PLCE1: variants seen among roughly 807,000 people sequenced by gnomAD.
PLCE1 encodes the protein phospholipase C epsilon 1.
PLCE1 carries 119 observed loss-of-function variants against 242.8 expected under a neutral mutation model. The ratio of observed to expected loss-of-function variants is 0.49; its 90% CI spans 0.42 to 0.57. The LOEUF is 0.57. Among genes scored for constraint, PLCE1 ranks in the 20% least tolerant of loss-of-function variants. The pLI is 0.00. For missense variants in PLCE1, 2,441 were observed against 2,788.8 expected (o/e 0.88, Z 2.81); for synonymous variants, 945 against 1,017.4 (o/e 0.93, Z 1.35).
intron 3 of PLCE1, among the ~76,000 whole-genome samples, chr10:94,170,145 G>A (rs914794822): frequency 2.0e-5 from 3 of 152,262 alleles, no homozygotes; most frequent in South Asian, 4.2e-4. Flanking sequence ...TCATCCTTAC[G>A]AACTTTGCTG....
chr10:94,270,629 G>T (rs752899574), intron 18 of PLCE1, 27 bp downstream of exon 18: 14 of 1,312,570 alleles, frequency 1.1e-5, no homozygotes, highest in Non-Finnish European at 1.4e-5. Flanking sequence ...AAGGCAGGAT[G>T]GTATGTTGGC....
At chr10:94,145,792 C>A (rs1398429434) in intron 3 of PLCE1, among the ~76,000 whole-genome samples, 2 of 152,046 alleles carry the variant, frequency 1.3e-5, no homozygotes, top group African/African-American at 4.8e-5. Context: ...AGCTTTGGGG[C>A]ACTTCAGTTC....
At chr10:94,159,543 C>T (rs1009377895) in intron 3 of PLCE1, among the ~76,000 whole-genome samples, 1 of 152,106 alleles carries the variant, frequency 6.6e-6, no homozygotes. Context: ...TAAAACAAGT[C>T]TACAAAGTTA....
At chr10:94,018,522 CAGA>C (rs2061321297) in intron 1 of PLCE1, among the ~76,000 whole-genome samples, 2 of 152,204 alleles carry the variant, frequency 1.3e-5, no homozygotes, top group South Asian at 4.1e-4. Flanking sequence ...TCCTCTTCTA[CAGA>C]CTATGACATT....
chr10:94,164,940 C>A (rs1307042320), intron 3 of PLCE1, among the ~76,000 whole-genome samples: 1 of 152,190 alleles, frequency 6.6e-6, no homozygotes, highest in Admixed American at 6.5e-5. Flanking sequence ...CCAGAGGCTG[C>A]AGAACAGTGG....
At chr10:94,203,966 G>A (rs1270788865) in intron 4 of PLCE1, among the ~76,000 whole-genome samples, 2 of 152,288 alleles carry the variant, frequency 1.3e-5, no homozygotes, top group East Asian at 3.9e-4. Flanking sequence ...GATAGCAAAG[G>A]CAACCTCTTG....
At chr10:94,292,659 C>G (rs1013283716) in intron 22 of PLCE1, among the ~76,000 whole-genome samples, 3 of 152,192 alleles carry the variant, frequency 2.0e-5, no homozygotes, top group Non-Finnish European at 4.4e-5. Flanking sequence ...CTCTTAAACA[C>G]TACTCTATCC....
At chr10:94,198,092 A>G (rs2136712051) in intron 4 of PLCE1, among the ~76,000 whole-genome samples, 1 of 151,538 alleles carries the variant, frequency 6.6e-6, no homozygotes, top group East Asian at 1.9e-4. Flanking sequence ...AAAAGATATA[A>G]TCTCATTCTT....
intron 4 of PLCE1, among the ~76,000 whole-genome samples, chr10:94,218,475 A>T (rs930020047): frequency 2.0e-5 from 3 of 152,184 alleles, no homozygotes; most frequent in African/African-American, 4.8e-5. Flanking sequence ...AAACTCTGTT[A>T]TCTCCTTACC....
At chr10:94,098,998 A>T in intron 2 of PLCE1, among the ~76,000 whole-genome samples, 1 of 152,200 alleles carries the variant, frequency 6.6e-6, no homozygotes, top group Non-Finnish European at 1.5e-5. Context: ...ATGCAGGCAA[A>T]GTGGAAGTGC....
At chr10:94,078,452 C>G (rs1241286902) in intron 2 of PLCE1, among the ~76,000 whole-genome samples, 2 of 151,998 alleles carry the variant, frequency 1.3e-5, no homozygotes, top group African/African-American at 4.8e-5. Context: ...ATTAGCCCCT[C>G]AGAAAACATG....
At chr10:94,293,855 C>T (rs937489124) in intron 23 of PLCE1, among the ~76,000 whole-genome samples, 3 of 152,210 alleles carry the variant, frequency 2.0e-5, no homozygotes, top group African/African-American at 7.2e-5. Context: ...GCCTGTAATC[C>T]CAGCACTTTT....
At chr10:94,138,633 TTGCTGA>T in intron 3 of PLCE1, 1 of 377,646 alleles carries the variant, frequency 2.6e-6, no homozygotes, top group African/African-American at 2.1e-5. Context: ...GAGCTTCATC[TTGCTGA>T]TGCTGATGCT....
intron 24 of PLCE1, among the ~76,000 whole-genome samples, chr10:94,300,859 G>C (rs1366301630): frequency 6.6e-6 from 1 of 150,854 alleles, no homozygotes; most frequent in East Asian, 2.0e-4. Flanking sequence ...CCAGCAGTTC[G>C]AGACCAGCCT....
chr10:94,114,276 C>T (rs2046047587), intron 2 of PLCE1, among the ~76,000 whole-genome samples: 1 of 152,198 alleles, frequency 6.6e-6, no homozygotes, highest in Admixed American at 6.5e-5. Context: ...CAAAGTGGAG[C>T]AAATTGGGCT....
intron 26 of PLCE1, among the ~76,000 whole-genome samples, chr10:94,307,523 A>T (rs1400163258): frequency 6.6e-6 from 1 of 152,204 alleles, no homozygotes; most frequent in African/African-American, 2.4e-5. Flanking sequence ...GCCATCATGG[A>T]ATACCACAGA....
At chr10:94,065,223 T>C (rs1303699701) in intron 2 of PLCE1, among the ~76,000 whole-genome samples, 1 of 152,184 alleles carries the variant, frequency 6.6e-6, no homozygotes, top group Non-Finnish European at 1.5e-5. Flanking sequence ...TGGAACCTGA[T>C]TGTCTTTGTT....
intron 1 of PLCE1, among the ~76,000 whole-genome samples, chr10:94,006,035 C>A (rs2061030939): frequency 6.6e-6 from 1 of 152,190 alleles, no homozygotes; most frequent in African/African-American, 2.4e-5. Context: ...CTAAATATCT[C>A]TGTAATCAGG....
chr10:94,054,300 T>A (rs145083100), intron 2 of PLCE1, among the ~76,000 whole-genome samples: 23 of 152,318 alleles, frequency 1.5e-4, no homozygotes, highest in Non-Finnish European at 3.2e-4. Flanking sequence ...AGCTAGACCA[T>A]ATTTCCAGAC....
Sources: gnomAD v4.1 joint callset for allele counts (sites outside exome capture counted in the v4.1 genomes callset) on GRCh38, gnomAD v4.1.1 for gene constraint, MANE v1.5 for transcripts, NCBI Gene and HGNC (gene_info 2026-07-23, HGNC 2026-07-21) for gene names.